Variants in PRKCE observed in about 807,000 individuals in gnomAD.
PRKCE encodes the protein protein kinase C epsilon type.
In PRKCE, 16 loss-of-function variants were observed where a neutral mutation model predicts 85.4. That is an observed-to-expected ratio of 0.19 (90% confidence interval 0.13 to 0.28). The LOEUF is 0.28. Among genes scored for constraint, PRKCE ranks in the 10% least tolerant of loss-of-function variants. The pLI, the probability that PRKCE is intolerant of heterozygous loss-of-function variation, is 1.00. For missense variants in PRKCE, 573 were observed against 975.2 expected, an observed-to-expected ratio of 0.59 and a Z score of 5.49; for synonymous variants, 388 against 371.5, an observed-to-expected ratio of 1.04 and a Z score of -0.51.
chr2:46,050,069 C>G (rs983585029), intron 10 of PRKCE, among the ~76,000 whole-genome samples: 3 of 152,220 alleles, frequency 2.0e-5, no homozygotes, highest in African/African-American at 7.2e-5. Context: ...CCACTGGCTC[C>G]CATTGCCCGC....
rs143443788 is a variant in PRKCE at position 45,874,118 on chromosome 2, A to G, written c.412+31055A>G. Among the ~76,000 whole-genome samples the G allele has an allele frequency of 5.9e-5, 9 of 152,312 alleles. No homozygotes were observed. In the East Asian group the frequency reaches 1.7e-3, roughly 29 times the overall value. On this transcript the variant is annotated intron_variant, in intron 2 of 14. Transcript: ENST00000306156. ...CTGGTGCTGAAGAGATTGTCAACAC[A>G]AGTTCTATGAAGTCACACCATGTAG...
At chr2:45,881,384 A>G (rs564484533) in intron 2 of PRKCE, among the ~76,000 whole-genome samples, 2 of 152,320 alleles carry the variant, frequency 1.3e-5, no homozygotes, top group South Asian at 4.1e-4. Context: ...TAAAACACTT[A>G]GATGGACACA....
intron 1 of PRKCE, chr2:45,674,845 GA>G (rs1676346760): frequency 6.6e-6 from 1 of 152,230 alleles, no homozygotes; most frequent in African/African-American, 2.4e-5. Context: ...GAGTTTATGA[GA>G]ATTCTCGGCC....
chr2:45,966,547 G>C (rs1184870300), intron 2 of PRKCE, among the ~76,000 whole-genome samples: 2 of 152,248 alleles, frequency 1.3e-5, no homozygotes, highest in East Asian at 3.9e-4. Context: ...TGTTTTCTTT[G>C]TGTTGTAAAA....
chr2:45,778,057 AT>A (rs61575651), intron 1 of PRKCE, among the ~76,000 whole-genome samples: 6,741 of 108,938 alleles, frequency 0.062, 243 homozygotes, highest in African/African-American at 0.15. Context: ...GAGCAAGTCA[AT>A]TTATCTCTTG....
intron 2 of PRKCE, among the ~76,000 whole-genome samples, chr2:45,909,927 G>A (rs1440716601): frequency 2.0e-5 from 3 of 152,144 alleles, no homozygotes; most frequent in African/African-American, 7.2e-5. Flanking sequence ...GGGTTGCCAT[G>A]GAGACAGTCT....
At chr2:45,669,571 G>A (rs1676061711) in intron 1 of PRKCE, among the ~76,000 whole-genome samples, 1 of 152,226 alleles carries the variant, frequency 6.6e-6, no homozygotes, top group East Asian at 1.9e-4. Flanking sequence ...TATAAAAAAG[G>A]GAGAAATGGC....
intron 2 of PRKCE, among the ~76,000 whole-genome samples, chr2:45,918,606 G>A (rs1698009886): frequency 2.0e-5 from 3 of 152,188 alleles, no homozygotes. Flanking sequence ...TTTAAAACCC[G>A]ATGATTCAAA....
At chr2:45,666,727 C>G (rs993204063) in intron 1 of PRKCE, among the ~76,000 whole-genome samples, 2 of 152,150 alleles carry the variant, frequency 1.3e-5, no homozygotes, top group Admixed American at 6.5e-5. Context: ...GATGCTTTCT[C>G]TCTTTTCTTT....
At chr2:46,153,785 T>C (rs1450936088) in intron 13 of PRKCE, among the ~76,000 whole-genome samples, 19 of 125,108 alleles carry the variant, frequency 1.5e-4, no homozygotes, top group South Asian at 3.0e-4. Context: ...CTTCTTCTTT[T>C]TTTTTTTTTT....
At chr2:45,981,353 A>T (rs1263911011) in intron 5 of PRKCE, among the ~76,000 whole-genome samples, 2 of 152,222 alleles carry the variant, frequency 1.3e-5, no homozygotes, top group African/African-American at 2.4e-5. Flanking sequence ...GGGTAGGTTT[A>T]TAATCAGCTG....
At chr2:45,931,120 T>A (rs1456142436) in intron 2 of PRKCE, among the ~76,000 whole-genome samples, 1 of 152,224 alleles carries the variant, frequency 6.6e-6, no homozygotes, top group Non-Finnish European at 1.5e-5. Flanking sequence ...TGCTTCAAAG[T>A]CTAAGCTCTT....
chr2:46,006,775 T>G (rs1705236108), intron 8 of PRKCE, among the ~76,000 whole-genome samples: 1 of 152,224 alleles, frequency 6.6e-6, no homozygotes. Context: ...CACAAGACTG[T>G]CTCGTAGTTG....
intron 11 of PRKCE, among the ~76,000 whole-genome samples, chr2:46,120,937 T>C (rs570596129): frequency 6.6e-6 from 1 of 152,184 alleles, no homozygotes; most frequent in Non-Finnish European, 1.5e-5. Context: ...CTCACAGCTG[T>C]TACGTTTGTT....
chr2:46,077,005 G>A (rs749432531), intron 10 of PRKCE, among the ~76,000 whole-genome samples: 1 of 152,136 alleles, frequency 6.6e-6, no homozygotes, highest in African/African-American at 2.4e-5. Context: ...GGGGGAATCG[G>A]GGAGGTGTTC....
chr2:46,025,826 G>C (rs533395573), intron 10 of PRKCE, among the ~76,000 whole-genome samples: 47 of 152,306 alleles, frequency 3.1e-4, no homozygotes, highest in African/African-American at 1.1e-3. Context: ...GTGTAGTTCA[G>C]ATCCATTTAG....
chr2:46,178,766 G>A (rs1679684839), intron 14 of PRKCE, among the ~76,000 whole-genome samples: 1 of 152,146 alleles, frequency 6.6e-6, no homozygotes, highest in South Asian at 2.1e-4. Context: ...ATTATTTCCG[G>A]CCAATGAACG....
At chr2:46,024,590 G>A (rs1706954465) in intron 10 of PRKCE, among the ~76,000 whole-genome samples, 2 of 152,160 alleles carry the variant, frequency 1.3e-5, no homozygotes, top group Admixed American at 1.3e-4. Context: ...ACCTGGCTCT[G>A]GCTCTTAGAG....
chr2:45,796,320 C>A (rs914523561), intron 1 of PRKCE, among the ~76,000 whole-genome samples: 1 of 152,182 alleles, frequency 6.6e-6, no homozygotes, highest in Non-Finnish European at 1.5e-5. Context: ...TGGACTGTTA[C>A]TGAACCCTTT....
Sources: allele counts gnomAD v4.1 joint callset (sites outside exome capture counted in the v4.1 genomes callset), GRCh38; gene constraint gnomAD v4.1.1; transcripts MANE v1.5; gene names NCBI Gene and HGNC (gene_info 2026-07-23, HGNC 2026-07-21).